RBFOX3: variants seen among roughly 807,000 people sequenced by gnomAD.
RBFOX3 encodes the protein RNA binding fox-1 homolog 3.
RBFOX3 carries 17 observed loss-of-function variants against 48.7 expected under a neutral mutation model. That is an observed-to-expected ratio of 0.35 (90% CI 0.24 to 0.52). The LOEUF (loss-of-function observed/expected upper bound fraction) is 0.52, where lower values mean the gene tolerates loss of function less well. Ranked by LOEUF, RBFOX3 falls within the 20% of genes least tolerant of loss-of-function variation. The pLI is 0.94. For synonymous variants in RBFOX3, 212 were observed against 209.5 expected, an observed-to-expected ratio of 1.01 and a Z score of -0.10; for missense variants, 382 against 497.5, an observed-to-expected ratio of 0.77 and a Z score of 2.21.
rs2061197160 is a variant in RBFOX3 at position 79,390,160 on chromosome 17, G to A, written c.-174-82336C>T. Among the ~76,000 whole-genome samples, 1 of 152,234 alleles carries A rather than the reference G, an allele frequency of 6.6e-6. No homozygotes were observed. Among genetic ancestry groups the A allele is most frequent in the Non-Finnish European group, 1.5e-5 (1 of 68,046 alleles). On this transcript the variant is annotated intron_variant, in intron 2 of 14. Coordinates refer to ENST00000693108, the MANE Select transcript of RBFOX3 (RefSeq NM_001350451.2). This position sits in a 1 kb window ranked among gnomAD's most constrained non-coding sequence, Gnocchi z 4.2. ...ACAGAGGAGGACCAGCAGCAGTGAA[G>A]GGCAAGTCCACAGAGTTCTGAGGTG...
intron 3 of RBFOX3, among the ~76,000 whole-genome samples, chr17:79,278,119 T>G (rs1048415866): frequency 6.6e-6 from 1 of 152,088 alleles, no homozygotes; most frequent in Admixed American, 6.5e-5. Flanking sequence ...GGAATTGAGA[T>G]GGCCCCAGGA....
At chr17:79,503,776 G>A (rs1425854638) in intron 1 of RBFOX3, among the ~76,000 whole-genome samples, 11 of 152,146 alleles carry the variant, frequency 7.2e-5, no homozygotes, top group South Asian at 2.1e-4. Flanking sequence ...TCTTCTGCCC[G>A]GCTCTCCTAC....
intron 2 of RBFOX3, among the ~76,000 whole-genome samples, chr17:79,411,285 C>A (rs1247797498): frequency 6.6e-6 from 1 of 152,102 alleles, no homozygotes; most frequent in African/African-American, 2.4e-5. Flanking sequence ...GGTGGGGGCA[C>A]CTCATGGCAC....
At chr17:79,416,429 C>T (rs1464412273) in intron 2 of RBFOX3, among the ~76,000 whole-genome samples, 1 of 152,238 alleles carries the variant, frequency 6.6e-6, no homozygotes, top group Non-Finnish European at 1.5e-5. Flanking sequence ...GCAAGGATAG[C>T]ACCACAGTCC....
In RBFOX3 at chr17:79,106,766, G is replaced by A. The variant is rs748950439; in HGVS notation, c.245C>T (p.Thr82Met). 5.2e-5 allele frequency: 80 copies of A among 1,525,316 alleles called. No homozygotes were observed. In the Admixed American group the frequency reaches 1.4e-3, roughly 27 times the overall value. The allele number at this position is 1,525,316 out of a possible 1,614,324, so 94.5% of individuals were successfully genotyped here. A position where few individuals can be genotyped will look rare whatever the true frequency, so the allele number is the denominator to read the frequency against. ...GGAGGGGTGGAGCGGCTGGCTGTCC[G>A]TCTGTGCCGCCTCGTCTGTCTGCTG... ...TVPQTDEAAQTDSQPLHPSDP... is the reference protein window; with the variant it reads ...TVPQTDEAAQMDSQPLHPSDP... The change falls in exon 6 of 15, where the codon ACG (threonine) becomes ATG (methionine). Residue 82 changes from threonine (T) to methionine (M), a missense_variant. By Grantham distance (81) the Thr-to-Met change is moderately conservative. This residue lies in a region of RBFOX3 where 118 missense variants were observed against 132.1 expected (regional missense o/e 0.89). Coordinates refer to ENST00000693108, the MANE Select transcript of RBFOX3 (RefSeq NM_001350451.2).
intron 4 of RBFOX3, among the ~76,000 whole-genome samples, chr17:79,130,139 A>G (rs2038448422): frequency 2.0e-5 from 3 of 152,176 alleles, no homozygotes; most frequent in African/African-American, 4.8e-5. Flanking sequence ...AGCAGGTTTA[A>G]TATCTTTTAT....
chr17:79,569,257 C>T (rs897619712), intron 1 of RBFOX3, among the ~76,000 whole-genome samples: 1 of 152,154 alleles, frequency 6.6e-6, no homozygotes, highest in Non-Finnish European at 1.5e-5. Flanking sequence ...CCCCCCAAGC[C>T]CTGGCAACCA....
chr17:79,622,576 G>A, the RBFOX3 span, among the ~76,000 whole-genome samples: 3 of 152,198 alleles, frequency 2.0e-5, no homozygotes, highest in East Asian at 3.8e-4. Context: ...TCAGCAGGAC[G>A]GCTTCCTTCG....
intron 3 of RBFOX3, among the ~76,000 whole-genome samples, chr17:79,237,506 C>T (rs2061774436): frequency 6.6e-6 from 1 of 152,228 alleles, no homozygotes; most frequent in South Asian, 2.1e-4. Context: ...CCCCATCTGC[C>T]TGTCTCACCC....
At position 79,103,438 on chromosome 17, in the gene RBFOX3, G is replaced by A. The variant is rs919017482; in HGVS notation, c.415-184C>T. Reference sequence around the variant, plus strand: ...CCCAGAGGTCTGTCCTAGGGCCACCGGCAGGATGCCAGGAGGGGTATGGGC... The same window carrying A: ...CCCAGAGGTCTGTCCTAGGGCCACCAGCAGGATGCCAGGAGGGGTATGGGC... On this transcript the variant is annotated intron_variant, in intron 7 of 14. Coordinates refer to ENST00000693108, the MANE Select transcript of RBFOX3 (RefSeq NM_001350451.2). The surrounding 1 kb of genome is among the most constrained non-coding windows in gnomAD (Gnocchi z 6.1). Among the ~76,000 whole-genome samples the A allele has an allele frequency of 3.3e-5, 5 of 152,130 alleles. No individual in the cohort carries two copies. The highest frequency in any genetic ancestry group is 4.8e-5 in the African/African-American group (2 of 41,438).
Position 79,535,413 on chromosome 17 carries a change from GCTCATTCCTACC to G in RBFOX3, c.-319-52827_-319-52816del, listed in dbSNP as rs1293404638. ...ACCAGCAAGGCCTCTCTCCAGCAAA[GCTCATTCCTACC>G]TGTCCTCCGGAGAGTGTCACAAGGG... On this transcript the variant is annotated intron_variant, in intron 1 of 14. Coordinates refer to ENST00000693108, the MANE Select transcript of RBFOX3 (RefSeq NM_001350451.2). The surrounding 1 kb of genome is among the most constrained non-coding windows in gnomAD (Gnocchi z 4.5). Among the ~76,000 whole-genome samples, 18 of 152,300 alleles carry G rather than the reference GCTCATTCCTACC, an allele frequency of 1.2e-4. No homozygotes were observed. The highest frequency in any genetic ancestry group is 3.8e-4 in the African/African-American group (16 of 41,570).
chr17:79,528,753 G>T (rs1157820906), intron 1 of RBFOX3, among the ~76,000 whole-genome samples: 1 of 152,046 alleles, frequency 6.6e-6, no homozygotes, highest in Admixed American at 6.5e-5. Flanking sequence ...GCGGGCTGCT[G>T]GGAGCCACCA....
At position 79,090,468 on chromosome 17, in the gene RBFOX3, C is replaced by T. The variant is rs575490787; in HGVS notation, c.*415G>A. 9 of 185,664 alleles carry T rather than the reference C, an allele frequency of 4.8e-5. No homozygotes were observed. The East Asian group carries it at 8.3e-4, about 17-fold the overall frequency. The allele number at this position is 185,664 out of a possible 1,614,324, so 11.5% of individuals were successfully genotyped here. Reference sequence around the variant, plus strand: ...CTAGCAGCGCCTGCCTGCTCAGGCCCGGGCCTGCTCCGCCGCCGCTGGGCT... The same window carrying T: ...CTAGCAGCGCCTGCCTGCTCAGGCCTGGGCCTGCTCCGCCGCCGCTGGGCT... On this transcript the variant is annotated 3_prime_UTR_variant, in exon 15 of 15. Transcript: ENST00000693108.
At chr17:79,180,812 C>A (rs551275416) in intron 4 of RBFOX3, among the ~76,000 whole-genome samples, 2 of 151,710 alleles carry the variant, frequency 1.3e-5, no homozygotes, top group East Asian at 1.9e-4. Flanking sequence ...AGAACAGCCG[C>A]GGGCGAGGGA....
intron 1 of RBFOX3, among the ~76,000 whole-genome samples, chr17:79,603,177 A>C (rs1194934328): frequency 6.6e-6 from 1 of 152,094 alleles, no homozygotes; most frequent in African/African-American, 2.4e-5. Flanking sequence ...CTTTTAGTAT[A>C]GATGGGGTTT....
At chr17:79,246,081 T>C (rs2063133190) in intron 3 of RBFOX3, among the ~76,000 whole-genome samples, 1 of 152,226 alleles carries the variant, frequency 6.6e-6, no homozygotes, top group Non-Finnish European at 1.5e-5. Flanking sequence ...CTCATTTTCC[T>C]GCCCTCTCTG....
intron 2 of RBFOX3, among the ~76,000 whole-genome samples, chr17:79,387,094 G>A (rs1302849737): frequency 6.6e-6 from 1 of 152,216 alleles, no homozygotes; most frequent in African/African-American, 2.4e-5. Flanking sequence ...CCAGGGGTTT[G>A]AGAGGTCCCC....
intron 4 of RBFOX3, among the ~76,000 whole-genome samples, chr17:79,224,292 A>G (rs1221212365): frequency 6.6e-6 from 1 of 152,088 alleles, no homozygotes; most frequent in African/African-American, 2.4e-5. Context: ...CTTCTTTCAG[A>G]CAGCCTGAAA....
chr17:79,327,897 T>C (rs1246566097), intron 2 of RBFOX3, among the ~76,000 whole-genome samples: 1 of 152,220 alleles, frequency 6.6e-6, no homozygotes, highest in Non-Finnish European at 1.5e-5. Flanking sequence ...GGTTTCACCA[T>C]GTTGGCCAGG....
Sources: gnomAD v4.1 joint callset for allele counts (sites outside exome capture counted in the v4.1 genomes callset) on GRCh38, gnomAD v4.1.1 for gene constraint, gnomAD v4.1.1 regional missense constraint, Gnocchi (gnomAD v3.1) non-coding constraint, MANE v1.5 for transcripts, NCBI Gene and HGNC (gene_info 2026-07-23, HGNC 2026-07-21) for gene names.